The following LOC128125822 variants were observed in gnomAD, a reference collection of about 807,000 sequenced individuals.
the LOC128125822 span, chr6:63,583,259 TGAA>T: frequency 1.3e-5 from 2 of 152,248 alleles, no homozygotes; most frequent in Non-Finnish European, 2.9e-5. Context: ...ACAAAATACA[TGAA>T]GTAGTGTCTG....
At chr6:63,577,246 T>C in the LOC128125822 span, among the ~76,000 whole-genome samples, 2 of 152,234 alleles carry the variant, frequency 1.3e-5, no homozygotes, top group African/African-American at 4.8e-5. Flanking sequence ...CTCTTACTTA[T>C]CTTGTAAGAA....
chr6:63,572,580 C>A, the LOC128125822 span: 8 of 415,450 alleles, frequency 1.9e-5, no homozygotes, highest in Non-Finnish European at 2.9e-5. Flanking sequence ...CCCCCGCCGC[C>A]GCCTGCATCG....
chr6:63,578,620 T>C, the LOC128125822 span: 1 of 1,472,528 alleles, frequency 6.8e-7, no homozygotes, highest in Non-Finnish European at 9.0e-7. Context: ...ATTTAAGTCA[T>C]AAATAGACCT....
the LOC128125822 span, chr6:63,579,045 A>G: frequency 1.6e-4 from 248 of 1,556,000 alleles, 2 homozygotes; most frequent in East Asian, 6.2e-4. Flanking sequence ...GAATTTATCA[A>G]TTTGATTCTA....
the LOC128125822 span, chr6:63,580,833 T>A: frequency 6.6e-6 from 1 of 152,554 alleles, no homozygotes; most frequent in Non-Finnish European, 1.5e-5. Flanking sequence ...ATCTACGTTG[T>A]ACAGAAGCAC....
chr6:63,578,684 A>G, the LOC128125822 span, among the ~76,000 whole-genome samples: 1 of 152,240 alleles, frequency 6.6e-6, no homozygotes, highest in African/African-American at 2.4e-5. Context: ...ATTTCTAAAT[A>G]AAGGTGAAAA....
the LOC128125822 span, chr6:63,572,869 T>C: frequency 2.6e-6 from 1 of 389,094 alleles, no homozygotes; most frequent in Non-Finnish European, 4.5e-6. Context: ...GGGCGGGTTA[T>C]GGCCCTGTGG....
the LOC128125822 span, chr6:63,576,604 A>C: frequency 2.1e-6 from 1 of 478,340 alleles, no homozygotes; most frequent in East Asian, 3.3e-5. Flanking sequence ...GAAGTGTTGA[A>C]TTGAAATCCA....
chr6:63,580,753 T>C, the LOC128125822 span: 1 of 152,580 alleles, frequency 6.6e-6, no homozygotes, highest in South Asian at 2.1e-4. Context: ...TACCAAGTCT[T>C]ACAGTGATTA....
At chr6:63,581,646 TA>T in the LOC128125822 span, 4 of 152,164 alleles carry the variant, frequency 2.6e-5, no homozygotes, top group African/African-American at 9.7e-5. Flanking sequence ...CACTTTCCAT[TA>T]TATACTTTTT....
the LOC128125822 span, chr6:63,576,700 G>C: frequency 1.6e-6 from 1 of 611,298 alleles, no homozygotes; most frequent in South Asian, 2.1e-5. Flanking sequence ...CTGGATTGAA[G>C]AATTGCTGCT....
the LOC128125822 span, chr6:63,580,410 C>G: frequency 2.3e-6 from 1 of 440,140 alleles, no homozygotes; most frequent in South Asian, 3.4e-5. Flanking sequence ...ATGTGCTTGT[C>G]ATTTGTATCA....
chr6:63,579,379 T>C, the LOC128125822 span: 4 of 1,445,106 alleles, frequency 2.8e-6, no homozygotes, highest in Non-Finnish European at 3.8e-6. Context: ...CATTTCCTTG[T>C]TGAGTGTCAG....
chr6:63,582,481 C>G, the LOC128125822 span: 1 of 152,484 alleles, frequency 6.6e-6, no homozygotes, highest in Non-Finnish European at 1.5e-5. Context: ...TATTTTGTAT[C>G]TTGTAAATAT....
the LOC128125822 span, among the ~76,000 whole-genome samples, chr6:63,574,131 A>G: frequency 1.3e-5 from 2 of 152,204 alleles, no homozygotes; most frequent in Non-Finnish European, 2.9e-5. Context: ...GAAAACTAGA[A>G]AACTAAATCA....
the LOC128125822 span, chr6:63,579,036 A>C: frequency 6.4e-7 from 1 of 1,563,560 alleles, no homozygotes; most frequent in South Asian, 1.2e-5. Context: ...GAGGTAAATG[A>C]ATTTATCAAT....
At chr6:63,572,548 C>G in the LOC128125822 span, 7 of 397,884 alleles carry the variant, frequency 1.8e-5, no homozygotes, top group Admixed American at 1.8e-4. Flanking sequence ...CCGAGCCGCT[C>G]ACTGCATGGT....
the LOC128125822 span, among the ~76,000 whole-genome samples, chr6:63,577,794 C>T: frequency 6.6e-6 from 1 of 151,620 alleles, no homozygotes; most frequent in African/African-American, 2.4e-5. Flanking sequence ...TCAGGTGAGC[C>T]ACCACGCCTG....
chr6:63,581,720 G>C, the LOC128125822 span: 1 of 152,090 alleles, frequency 6.6e-6, no homozygotes, highest in South Asian at 2.1e-4. Flanking sequence ...ATGTATAGTA[G>C]AGGACAGCCT....
Sources: allele counts gnomAD v4.1 joint callset (sites outside exome capture counted in the v4.1 genomes callset), GRCh38; gene constraint gnomAD v4.1.1; transcripts MANE v1.5.